FMN1: variants seen among roughly 807,000 people sequenced by gnomAD.
FMN1 encodes the protein formin 1, also known as formin-1.
A neutral mutation model predicts 132.4 loss-of-function variants in FMN1; 110 were observed. That is an observed-to-expected ratio of 0.83 (90% confidence interval 0.71 to 0.97). FMN1 has a LOEUF of 0.97. Among genes scored for constraint, FMN1 ranks in the 50% least tolerant of loss-of-function variants. The pLI is 0.00. For missense variants in FMN1, 1,792 were observed against 1,705.3 expected (o/e 1.05, Z -0.90); for synonymous variants, 722 against 651.7 (o/e 1.11, Z -1.64).
chr15:32,870,569 C>T (rs1336041888), intron 16 of FMN1, among the ~76,000 whole-genome samples: 4 of 152,200 alleles, frequency 2.6e-5, no homozygotes, highest in South Asian at 2.1e-4. Context: ...AGCCTTTGCA[C>T]GGAATTGTCT....
intron 6 of FMN1, among the ~76,000 whole-genome samples, chr15:33,035,732 T>C (rs1239835452): frequency 6.6e-6 from 1 of 152,194 alleles, no homozygotes; most frequent in African/African-American, 2.4e-5. Context: ...CCATCTAATA[T>C]ACTACACAAT....
intron 5 of FMN1, among the ~76,000 whole-genome samples, chr15:33,086,255 T>TAAAAAAAAAAAAA (rs552991552): frequency 1.2e-5 from 1 of 85,240 alleles, no homozygotes; most frequent in African/African-American, 4.4e-5. Flanking sequence ...CATCTCAAAT[T>TAAAAAAAAAAAAA]AAAAAAAAAA....
At chr15:33,041,286 A>T (rs1437060770) in intron 6 of FMN1, among the ~76,000 whole-genome samples, 1 of 151,774 alleles carries the variant, frequency 6.6e-6, no homozygotes, top group Non-Finnish European at 1.5e-5. Context: ...AACCCGTAAC[A>T]CCTAACTGGA....
rs1360367133 is a variant in FMN1 at position 33,154,354 on chromosome 15, T to C, written c.561A>G (p.Ser187=). 6.5e-7 allele frequency: 1 copy of C among 1,536,166 alleles called. No individual in the cohort carries two copies. Residue 187 remains serine, a synonymous_variant, in exon 4 of 21, where the codon TCA becomes TCG. Transcript: ENST00000616417. Reference sequence around the variant, plus strand: ...TCTTGTCCTTGCCCATCAGAGGAGCTGATTCTCGGCCTCCACGCCCTTTTC... The same window carrying C: ...TCTTGTCCTTGCCCATCAGAGGAGCCGATTCTCGGCCTCCACGCCCTTTTC... ...TKRKGRGGRE[S]APLMGKDKIC...
chr15:32,801,613 A>AC (rs1377048862), intron 18 of FMN1, among the ~76,000 whole-genome samples: 89 of 150,814 alleles, frequency 5.9e-4, no homozygotes, highest in African/African-American at 2.1e-3. Flanking sequence ...AAAAACAAAA[A>AC]CAAAAAAACA....
intron 19 of FMN1, among the ~76,000 whole-genome samples, chr15:32,784,575 A>AACC (rs542453933): frequency 4.1e-4 from 62 of 152,316 alleles, no homozygotes; most frequent in African/African-American, 1.4e-3. Flanking sequence ...TGACAGCCAT[A>AACC]ACCACAAGAT....
intron 5 of FMN1, among the ~76,000 whole-genome samples, chr15:33,076,243 G>A (rs570369966): frequency 1.4e-4 from 22 of 152,146 alleles, no homozygotes; most frequent in Non-Finnish European, 2.6e-4. Context: ...ACAGCAGAAG[G>A]CATGGAGTCT....
chr15:32,822,851 T>C (rs2058255176), intron 17 of FMN1, among the ~76,000 whole-genome samples: 1 of 152,206 alleles, frequency 6.6e-6, no homozygotes, highest in Admixed American at 6.5e-5. Context: ...GTTCTGAATA[T>C]CTGTTCTGCC....
intron 4 of FMN1, among the ~76,000 whole-genome samples, chr15:33,108,404 G>T (rs752740094): frequency 8.6e-5 from 13 of 151,780 alleles, no homozygotes; most frequent in Admixed American, 1.3e-4. Flanking sequence ...AGGAGATAAT[G>T]GCACATAAGA....
intron 16 of FMN1, among the ~76,000 whole-genome samples, chr15:32,886,230 T>A (rs2059894397): frequency 6.6e-6 from 1 of 152,208 alleles, no homozygotes; most frequent in Non-Finnish European, 1.5e-5. Flanking sequence ...TAGCAGGGCA[T>A]TTTTGTTTAA....
chr15:33,088,344 T>TCAC (rs2141356752), intron 5 of FMN1, among the ~76,000 whole-genome samples: 1 of 152,348 alleles, frequency 6.6e-6, no homozygotes, highest in East Asian at 1.9e-4. Context: ...GCCAACCTAG[T>TCAC]CACCTGTTAT....
chr15:32,812,725 G>T (rs2057924768), intron 17 of FMN1, among the ~76,000 whole-genome samples: 2 of 152,162 alleles, frequency 1.3e-5, no homozygotes, highest in African/African-American at 2.4e-5. Context: ...TTCTCAGCCT[G>T]TATCTCTAAA....
At chr15:32,840,730 G>A (rs1469050012) in intron 17 of FMN1, among the ~76,000 whole-genome samples, 1 of 152,154 alleles carries the variant, frequency 6.6e-6, no homozygotes, top group Non-Finnish European at 1.5e-5. Flanking sequence ...TATGGAAATG[G>A]TACAAACATG....
intron 17 of FMN1, among the ~76,000 whole-genome samples, chr15:32,830,615 G>C (rs1350736744): frequency 1.3e-5 from 2 of 152,168 alleles, no homozygotes; most frequent in African/African-American, 4.8e-5. Flanking sequence ...GTGTGAAATA[G>C]ACATCTTCCC....
intron 6 of FMN1, among the ~76,000 whole-genome samples, chr15:33,034,429 T>G (rs1248596456): frequency 6.6e-6 from 1 of 151,932 alleles, no homozygotes; most frequent in African/African-American, 2.4e-5. Context: ...AAAAAAAAAT[T>G]AGCTTGGCAT....
chr15:33,036,079 C>T (rs985536331), intron 6 of FMN1, among the ~76,000 whole-genome samples: 6 of 152,216 alleles, frequency 3.9e-5, no homozygotes, highest in African/African-American at 1.4e-4. Flanking sequence ...ACTTCTCAGC[C>T]TCCATAACTG....
At chr15:33,012,464 A>G in intron 6 of FMN1, 1 of 1,098,000 alleles carries the variant, frequency 9.1e-7, no homozygotes, top group Non-Finnish European at 1.4e-6. Flanking sequence ...GAAGACACAG[A>G]AGAACATCAC....
At chr15:32,963,971 TAC>T (rs1018193129) in intron 9 of FMN1, 134 bp downstream of exon 9, 2 of 466,746 alleles carry the variant, frequency 4.3e-6, no homozygotes, top group East Asian at 3.2e-5. Context: ...ATTCCTATGA[TAC>T]ACACACATAT....
rs1184956358 is a variant in FMN1 at position 33,153,311 on chromosome 15, T to G, written c.1604A>C (p.His535Pro). The G allele has an allele frequency of 6.5e-7, 1 of 1,536,238 alleles. No homozygotes were observed. The highest frequency in any genetic ancestry group is 1.2e-5 in the South Asian group (1 of 84,056). Residue 535 changes from histidine to proline, a missense_variant, in exon 4 of 21, where the codon CAC (histidine) becomes CCC (proline). His to Pro is a moderately conservative substitution (Grantham distance 77). Coordinates refer to ENST00000616417, the MANE Select transcript of FMN1 (RefSeq NM_001277313.2). ...CAATGCAGGGAGCCGGAGGATCCTG[T>G]GATGCTGCTGAGGGCTGGGGAGCCT... ...SPRLPSPQQHHRILRLPALPG... is the reference protein window; with the variant it reads ...SPRLPSPQQHPRILRLPALPG...
Sources: gnomAD v4.1 joint callset for allele counts (sites outside exome capture counted in the v4.1 genomes callset) on GRCh38, gnomAD v4.1.1 for gene constraint, MANE v1.5 for transcripts, NCBI Gene and HGNC (gene_info 2026-07-23, HGNC 2026-07-21) for gene names.